LRRIQ3: variants seen among roughly 807,000 people sequenced by gnomAD.
The protein encoded by LRRIQ3 is leucine-rich repeat and IQ domain-containing protein 3.
LRRIQ3 carries 75 observed loss-of-function variants against 59.3 expected under a neutral mutation model. The observed-to-expected ratio is 1.26, with a 90% CI of 1.05 to 1.53. LRRIQ3 has a LOEUF of 1.53. Among genes scored for constraint, LRRIQ3 ranks in the 40% most tolerant of loss-of-function variants. LRRIQ3 has a pLI of 0.00. For synonymous variants in LRRIQ3, 250 were observed against 231.3 expected (o/e 1.08, Z -0.73); for missense variants, 831 against 710.0 (o/e 1.17, Z -1.94).
chr1:74,153,291 A>G (rs200135834), intron 4 of LRRIQ3, among the ~76,000 whole-genome samples: 1 of 152,210 alleles, frequency 6.6e-6, no homozygotes, highest in Admixed American at 6.5e-5. Flanking sequence ...AGCATTAATC[A>G]TAATAATTTT....
At chr1:74,094,696 T>C (rs1057340019) in intron 5 of LRRIQ3, among the ~76,000 whole-genome samples, 1 of 152,072 alleles carries the variant, frequency 6.6e-6, no homozygotes, top group Non-Finnish European at 1.5e-5. Flanking sequence ...TGCAAATTAA[T>C]CCAGACAGCT....
intron 1 of LRRIQ3, among the ~76,000 whole-genome samples, chr1:74,196,538 C>G (rs913602802): frequency 2.0e-5 from 3 of 152,152 alleles, no homozygotes; most frequent in African/African-American, 7.2e-5. Flanking sequence ...TACATATTCA[C>G]TGCATACACA....
chr1:74,146,888 AAT>A (rs1471196639), intron 4 of LRRIQ3, among the ~76,000 whole-genome samples: 1 of 152,204 alleles, frequency 6.6e-6, no homozygotes, highest in African/African-American at 2.4e-5. Flanking sequence ...ATTAGACCTA[AAT>A]AGTTAATATT....
Position 74,119,335 on chromosome 1 carries a change from T to C in LRRIQ3, c.708-9782A>G, listed in dbSNP as rs565010341. On this transcript the variant is annotated intron_variant, in intron 4 of 7. Transcript: ENST00000354431. ...TTTTGATATGTTGGTTGGTAGTTTATATTTCTTCTTCTGTAAGTTGTCTAT... is the reference window on the plus strand; with the variant it reads ...TTTTGATATGTTGGTTGGTAGTTTACATTTCTTCTTCTGTAAGTTGTCTAT... Among the ~76,000 whole-genome samples, 3 of 152,252 alleles carry C rather than the reference T, an allele frequency of 2.0e-5. No individual in the cohort carries two copies. The South Asian group carries it at 6.2e-4, about 32-fold the overall frequency.
intron 3 of LRRIQ3, among the ~76,000 whole-genome samples, chr1:74,159,186 C>A (rs1648518411): frequency 6.6e-6 from 1 of 152,112 alleles, no homozygotes; most frequent in Admixed American, 6.6e-5. Flanking sequence ...TTGTAATAAT[C>A]CCACTCTGCC....
intron 1 of LRRIQ3, among the ~76,000 whole-genome samples, chr1:74,195,538 C>A (rs1298344381): frequency 2.6e-5 from 4 of 152,084 alleles, no homozygotes; most frequent in Non-Finnish European, 1.5e-5. Context: ...TAAACCTGTA[C>A]CTCAATAAAG....
intron 6 of LRRIQ3, among the ~76,000 whole-genome samples, chr1:74,060,754 G>T (rs1281415732): frequency 6.6e-6 from 1 of 152,004 alleles, no homozygotes; most frequent in Non-Finnish European, 1.5e-5. Context: ...GCCACCAAGG[G>T]ACCAGGACAT....
intron 6 of LRRIQ3, among the ~76,000 whole-genome samples, chr1:74,069,311 A>G (rs1654954203): frequency 6.6e-6 from 1 of 152,030 alleles, no homozygotes; most frequent in African/African-American, 2.4e-5. Flanking sequence ...CACACTTTTA[A>G]GGTTTCAATT....
At chr1:74,172,169 T>C (rs182300418) in intron 3 of LRRIQ3, among the ~76,000 whole-genome samples, 2 of 152,242 alleles carry the variant, frequency 1.3e-5, no homozygotes, top group Admixed American at 1.3e-4. Context: ...TTTTTCTAGT[T>C]CCTTCAGGTG....
intron 5 of LRRIQ3, among the ~76,000 whole-genome samples, chr1:74,097,159 T>G (rs1646460761): frequency 6.6e-6 from 1 of 152,112 alleles, no homozygotes; most frequent in South Asian, 2.1e-4. Flanking sequence ...GCTAAAATCC[T>G]TGAAAAAAGA....
intron 6 of LRRIQ3, among the ~76,000 whole-genome samples, chr1:74,068,646 C>T (rs1654934499): frequency 6.6e-6 from 1 of 151,944 alleles, no homozygotes; most frequent in African/African-American, 2.4e-5. Flanking sequence ...TACATAGATA[C>T]AAAAACAAAA....
At chr1:74,175,505 G>A (rs1256216446) in intron 3 of LRRIQ3, among the ~76,000 whole-genome samples, 1 of 152,122 alleles carries the variant, frequency 6.6e-6, no homozygotes, top group African/African-American at 2.4e-5. Context: ...ATAAATGGGA[G>A]GCCAAAAAGA....
chr1:74,137,423 C>A (rs1647142434), intron 4 of LRRIQ3, among the ~76,000 whole-genome samples: 1 of 151,968 alleles, frequency 6.6e-6, no homozygotes, highest in Non-Finnish European at 1.5e-5. Context: ...GAATGGCAAT[C>A]TTTAAAAAGT....
chr1:74,109,278 T>C, intron 5 of LRRIQ3, 116 bp downstream of exon 5: 2 of 764,114 alleles, frequency 2.6e-6, no homozygotes, highest in Non-Finnish European at 2.1e-6. Context: ...AGCAGGATAT[T>C]AACAATGTAA....
intron 7 of LRRIQ3, among the ~76,000 whole-genome samples, chr1:74,039,693 A>G (rs1185469283): frequency 6.6e-6 from 1 of 152,236 alleles, no homozygotes; most frequent in Non-Finnish European, 1.5e-5. Flanking sequence ...ACTAAGCTTC[A>G]TAAGTGAAGG....
Position 74,182,526 on chromosome 1 carries a change from G to C in LRRIQ3, c.573+12C>G. On this transcript the variant is annotated intron_variant, in intron 3 of 7. Coordinates refer to ENST00000354431, the MANE Select transcript of LRRIQ3 (RefSeq NM_001105659.2). ...CATTTAATTAAAATGAAACCCTAAA[G>C]AAGCCAATTACCTTTCTCAAAGCTG... 1 of 1,478,786 alleles carries C rather than the reference G, an allele frequency of 6.8e-7. No homozygotes were observed. Among genetic ancestry groups the C allele is most frequent in the South Asian group, 1.5e-5 (1 of 65,758 alleles). The allele number at this position is 1,478,786 out of a possible 1,614,324, so 91.6% of individuals were successfully genotyped here.
intron 4 of LRRIQ3, among the ~76,000 whole-genome samples, chr1:74,154,401 G>T (rs1398924304): frequency 6.6e-6 from 1 of 151,296 alleles, no homozygotes; most frequent in Non-Finnish European, 1.5e-5. Context: ...AGAAATTCAA[G>T]CCCAGCATAG....
At chr1:74,064,859 ATCTTAATATTTTGT>A (rs1654824961) in intron 6 of LRRIQ3, among the ~76,000 whole-genome samples, 1 of 152,024 alleles carries the variant, frequency 6.6e-6, no homozygotes, top group Non-Finnish European at 1.5e-5. Context: ...TCAAAATTCT[ATCTTAATATTTTGT>A]TCTTAATATT....
At chr1:74,063,294 T>C (rs1467112784) in intron 6 of LRRIQ3, among the ~76,000 whole-genome samples, 1 of 152,128 alleles carries the variant, frequency 6.6e-6, no homozygotes, top group Non-Finnish European at 1.5e-5. Flanking sequence ...ATTTCTTGAT[T>C]CTTTTCATAA....
Sources: allele counts gnomAD v4.1 joint callset (sites outside exome capture counted in the v4.1 genomes callset), GRCh38; gene constraint gnomAD v4.1.1; transcripts MANE v1.5; gene names NCBI Gene and HGNC (gene_info 2026-07-23, HGNC 2026-07-21).